The following SELENOI variants were observed in gnomAD, a reference collection of about 807,000 sequenced individuals.
SELENOI encodes the protein ethanolaminephosphotransferase 1.
Under a neutral mutation model 50.7 loss-of-function variants are expected in SELENOI, and 24 were observed. The ratio of observed to expected loss-of-function variants is 0.47; its 90% confidence interval spans 0.34 to 0.67. SELENOI has a LOEUF of 0.67. Among genes scored for constraint, SELENOI ranks in the 30% least tolerant of loss-of-function variants. SELENOI has a pLI of 0.01. For missense variants in SELENOI, 352 were observed against 461.4 expected (o/e 0.76, Z 2.17); for synonymous variants, 155 against 170.2 (o/e 0.91, Z 0.70).
intron 3 of SELENOI, 87 bp from the exon 4 acceptor site, chr2:26,367,059 T>G (rs957739777): frequency 1.8e-6 from 2 of 1,108,744 alleles, no homozygotes; most frequent in Non-Finnish European, 2.6e-6. Flanking sequence ...AATGAACAAA[T>G]AGCGACACTT....
chr2:26,355,400 A>G (rs1677044124), intron 1 of SELENOI, among the ~76,000 whole-genome samples: 1 of 152,264 alleles, frequency 6.6e-6, no homozygotes, highest in Admixed American at 6.5e-5. Context: ...ACAATAAATA[A>G]TTTTTCTCAA....
chr2:26,353,209 T>C (rs951103173), intron 1 of SELENOI, among the ~76,000 whole-genome samples: 14 of 152,180 alleles, frequency 9.2e-5, no homozygotes, highest in Admixed American at 3.3e-4. Flanking sequence ...GTTTTATATA[T>C]ATAATTTTTT....
rs970773330 is a variant in SELENOI at position 26,393,392 on chromosome 2, A to G, written c.*4289A>G. Reference sequence around the variant, plus strand: ...AGATAGTAATCTATCTACTTTTTTTAAAGCAGGGATCTGCTCCCTATCTAG... The same window carrying G: ...AGATAGTAATCTATCTACTTTTTTTGAAGCAGGGATCTGCTCCCTATCTAG... On this transcript the variant is annotated 3_prime_UTR_variant, in exon 10 of 10. Transcript: ENST00000260585. 1 of 152,594 alleles carries G rather than the reference A, an allele frequency of 6.6e-6. No individual in the cohort carries two copies. The highest frequency in any genetic ancestry group is 2.4e-5 in the African/African-American group (1 of 41,444). The allele number at this position is 152,594 out of a possible 1,614,324, so 9.5% of individuals were successfully genotyped here. A position where few individuals can be genotyped will look rare whatever the true frequency, so the allele number is the denominator to read the frequency against.
rs571976920 is a variant in SELENOI at position 26,384,252 on chromosome 2, C to A, written c.732-707C>A. On this transcript the variant is annotated intron_variant, in intron 7 of 9. Transcript: ENST00000260585. ...TGTTAAACCAAGCGCTATTAATCTT[C>A]TTCATTTATTTGAGCTGGCAGTTAT... is the stretch of plus-strand genomic sequence containing the variant. 3.3e-5 allele frequency among the ~76,000 whole-genome samples: 5 copies of A among 152,316 alleles called. No individual in the cohort carries two copies. The Middle Eastern group carries it at 0.014, about 414-fold the overall frequency.
At chr2:26,348,107 GA>G (rs1676847950) in intron 1 of SELENOI, among the ~76,000 whole-genome samples, 1 of 152,134 alleles carries the variant, frequency 6.6e-6, no homozygotes, top group Admixed American at 6.5e-5. Context: ...TTAAAATTAT[GA>G]ATCCAGTGGT....
Position 26,389,018 on chromosome 2 carries a change from G to C in SELENOI, c.1109G>C (p.Ser370Thr). 6.3e-7 allele frequency: 1 copy of C among 1,586,184 alleles called. No individual in the cohort carries two copies. The change falls in exon 10 of 10, where the codon AGC becomes ACC. Residue 370 changes from serine to threonine, a missense_variant. Ser to Thr is a moderately conservative substitution (Grantham distance 58, BLOSUM62 1). Transcript: ENST00000260585. The stretch of plus-strand genomic sequence containing the variant: ...GATTTTTCATAGGTAAAGCAGCTGA[G>C]CAGCCATTTTCAGATTTACCCCTTC... ...HYGVRVVKQL[S>T]SHFQIYPFSL... is the part of the protein sequence containing the mutation.
intron 6 of SELENOI, among the ~76,000 whole-genome samples, chr2:26,381,803 C>T (rs1016282678): frequency 2.0e-5 from 3 of 152,094 alleles, no homozygotes; most frequent in African/African-American, 7.2e-5. Context: ...GATAAGATTT[C>T]TGTTGGGTTC....
chr2:26,387,404 C>T (rs1337895164), intron 9 of SELENOI, among the ~76,000 whole-genome samples: 1 of 151,910 alleles, frequency 6.6e-6, no homozygotes, highest in Non-Finnish European at 1.5e-5. Context: ...ATAAATATTG[C>T]CCTAGGCTGG....
In SELENOI at chr2:26,352,770, C is replaced by T. The variant is rs183048394; in HGVS notation, c.57+6481C>T. Reference sequence around the variant, plus strand: ...CTGCACTCCAGCATGGGAGACAGAGCGAGACTTCATCTCAATAATAATAAA... The same window carrying T: ...CTGCACTCCAGCATGGGAGACAGAGTGAGACTTCATCTCAATAATAATAAA... On this transcript the variant is annotated intron_variant, in intron 1 of 9. Transcript: ENST00000260585. 5.3e-3 allele frequency among the ~76,000 whole-genome samples: 794 copies of T among 149,580 alleles called. 7 individuals are homozygous for T. The highest frequency in any genetic ancestry group is 0.018 in the African/African-American group (717 of 40,590).
rs780987285 is a variant in SELENOI, at chr2:26,364,311, G to A, written c.67G>A (p.Val23Met). 6.4e-7 allele frequency: 1 copy of A among 1,555,852 alleles called. No homozygotes were observed. The highest frequency in any genetic ancestry group is 1.2e-5 in the South Asian group (1 of 84,550). ...AGFDKYKYSAVDTNPLSLYVM... is the reference protein window; with the variant it reads ...AGFDKYKYSAMDTNPLSLYVM... ...TTTCATTTCTTAACAGTACAGTGCT[G>A]TGGATACCAATCCACTTTCTCTGTA... Residue 23 changes from valine to methionine, a missense_variant, in exon 2 of 10, where the codon GTG (valine) becomes ATG (methionine). Val to Met is a conservative substitution (Grantham distance 21). Coordinates refer to ENST00000260585, the MANE Select transcript of SELENOI (RefSeq NM_033505.4).
Position 26,391,396 on chromosome 2 carries a change from G to A in SELENOI, c.*2293G>A, listed in dbSNP as rs1318528474. 1 of 152,204 alleles carries A rather than the reference G, an allele frequency of 6.6e-6. No homozygotes were observed. The highest frequency in any genetic ancestry group is 1.5e-5 in the Non-Finnish European group (1 of 68,042). The allele number at this position is 152,204 out of a possible 1,614,324, so 9.4% of individuals were successfully genotyped here. On this transcript the variant is annotated 3_prime_UTR_variant, in exon 10 of 10. Coordinates refer to ENST00000260585, the MANE Select transcript of SELENOI (RefSeq NM_033505.4). ...CATCTTGAGAGCCCCCATTTGTTGT[G>A]TAGAGATATAGCAGCTGAAGCAGGA...
intron 4 of SELENOI, among the ~76,000 whole-genome samples, chr2:26,368,779 T>G (rs898174877): frequency 1.1e-4 from 16 of 152,224 alleles, no homozygotes; most frequent in Non-Finnish European, 2.2e-4. Flanking sequence ...TTGTAATAAC[T>G]GTATAGGAGT....
At chr2:26,369,135 T>C (rs1464797624) in intron 4 of SELENOI, among the ~76,000 whole-genome samples, 5 of 152,236 alleles carry the variant, frequency 3.3e-5, no homozygotes, top group Admixed American at 2.0e-4. Context: ...ACAGGCTGTC[T>C]CTAACAGGCT....
At position 26,361,438 on chromosome 2, in the gene SELENOI, T is replaced by TAG. The variant is rs200272422; in HGVS notation, c.58-2864_58-2863insAG. 1.2e-4 allele frequency among the ~76,000 whole-genome samples: 19 copies of TAG among 152,332 alleles called. No individual in the cohort carries two copies. In the South Asian group the frequency reaches 3.7e-3, roughly 30 times the overall value. On this transcript the variant is annotated intron_variant, in intron 1 of 9. Transcript: ENST00000260585. ...ATAAAACAACTATAACAATGTACTG[T>TAG]TATTACATTTATGTGAATTTGGTCT...
chr2:26,381,450 C>T (rs773234350), intron 6 of SELENOI, among the ~76,000 whole-genome samples: 1 of 151,994 alleles, frequency 6.6e-6, no homozygotes, highest in Non-Finnish European at 1.5e-5. Context: ...TGCAGCGTTT[C>T]TCTTTGGCAG....
At chr2:26,368,462 A>G (rs1019398937) in intron 4 of SELENOI, among the ~76,000 whole-genome samples, 1 of 152,104 alleles carries the variant, frequency 6.6e-6, no homozygotes, top group South Asian at 2.1e-4. Flanking sequence ...TCTGGCAAAA[A>G]CCCTGGTCTG....
chr2:26,353,802 TCTGAAATAACAGTTCA>T (rs1255317224), intron 1 of SELENOI, among the ~76,000 whole-genome samples: 2 of 152,212 alleles, frequency 1.3e-5, no homozygotes, highest in Non-Finnish European at 2.9e-5. Flanking sequence ...TTTACTGCCT[TCTGAAATAACAGTTCA>T]CTGATGATGG....
At chr2:26,387,734 G>A (rs1454991562) in intron 9 of SELENOI, among the ~76,000 whole-genome samples, 1 of 150,848 alleles carries the variant, frequency 6.6e-6, no homozygotes, top group African/African-American at 2.4e-5. Flanking sequence ...GAAAAAAAAT[G>A]TTGGCATAAA....
intron 1 of SELENOI, among the ~76,000 whole-genome samples, chr2:26,358,193 A>G (rs1677103381): frequency 1.3e-5 from 2 of 152,212 alleles, no homozygotes; most frequent in Non-Finnish European, 2.9e-5. Flanking sequence ...TCTTGAGGTC[A>G]GGAGTTCAAG....
Sources: gnomAD v4.1 joint callset for allele counts (sites outside exome capture counted in the v4.1 genomes callset) on GRCh38, gnomAD v4.1.1 for gene constraint, MANE v1.5 for transcripts, NCBI Gene and HGNC (gene_info 2026-07-23, HGNC 2026-07-21) for gene names.